Variants in ZCCHC7 observed in about 807,000 individuals in gnomAD.
The protein encoded by ZCCHC7 is zinc finger CCHC-type containing 7.
A neutral mutation model predicts 52.0 loss-of-function variants in ZCCHC7; 35 were observed. The observed-to-expected ratio is 0.67, with a 90% CI of 0.51 to 0.89. The LOEUF is 0.89. Ranked by LOEUF, ZCCHC7 falls within the 40% of genes least tolerant of loss-of-function variation. The pLI is 0.00. For synonymous variants in ZCCHC7, 217 were observed against 221.5 expected (o/e 0.98, Z 0.18); for missense variants, 574 against 649.1 (o/e 0.88, Z 1.26).
intron 6 of ZCCHC7, among the ~76,000 whole-genome samples, chr9:37,333,544 C>G (rs1328710894): frequency 6.6e-6 from 1 of 151,628 alleles, no homozygotes; most frequent in African/African-American, 2.4e-5. Context: ...GAAAGAAGTA[C>G]TTGTTGTGGT....
chr9:37,154,519 G>A (rs960560343), intron 2 of ZCCHC7, among the ~76,000 whole-genome samples: 13 of 152,048 alleles, frequency 8.5e-5, no homozygotes, highest in African/African-American at 1.9e-4. Context: ...GTGTCACTTC[G>A]TCACCTAGGT....
chr9:37,321,133 C>T (rs1324026438), intron 5 of ZCCHC7, among the ~76,000 whole-genome samples: 2 of 151,438 alleles, frequency 1.3e-5, no homozygotes, highest in East Asian at 1.9e-4. Flanking sequence ...GGACTACAGG[C>T]GCGTGCCACC....
chr9:37,205,757 C>T (rs572513457), intron 2 of ZCCHC7, among the ~76,000 whole-genome samples: 3 of 152,332 alleles, frequency 2.0e-5, no homozygotes, highest in African/African-American at 7.2e-5. Flanking sequence ...ACCTTGTGAT[C>T]CACCTGCCTT....
At chr9:37,237,904 A>G (rs1399862507) in intron 2 of ZCCHC7, among the ~76,000 whole-genome samples, 1 of 152,082 alleles carries the variant, frequency 6.6e-6, no homozygotes, top group Non-Finnish European at 1.5e-5. Flanking sequence ...TAATGATCGT[A>G]ATCCCTTCTA....
chr9:37,141,617 C>T (rs1843230011), intron 2 of ZCCHC7, among the ~76,000 whole-genome samples: 1 of 151,766 alleles, frequency 6.6e-6, no homozygotes, highest in African/African-American at 2.4e-5. Flanking sequence ...CAAGTTAATA[C>T]TAGAAATACT....
At chr9:37,120,754 C>T in intron 1 of ZCCHC7, 131 bp downstream of exon 1, 1 of 347,226 alleles carries the variant, frequency 2.9e-6, no homozygotes, top group South Asian at 1.5e-4. Flanking sequence ...CCGCCCCTCA[C>T]TCGTGGCAGG....
chr9:37,138,538 T>TA (rs1324490408), intron 2 of ZCCHC7, among the ~76,000 whole-genome samples: 1 of 152,030 alleles, frequency 6.6e-6, no homozygotes, highest in South Asian at 2.1e-4. Flanking sequence ...AATTTTACTT[T>TA]AAAAAAATAC....
chr9:37,187,223 C>T (rs982133191), intron 2 of ZCCHC7, among the ~76,000 whole-genome samples: 10 of 152,208 alleles, frequency 6.6e-5, no homozygotes, highest in African/African-American at 2.2e-4. Context: ...CAGTCCCAAA[C>T]CTTTTTGACA....
chr9:37,125,844 G>A (rs550560167), intron 1 of ZCCHC7, among the ~76,000 whole-genome samples: 4 of 152,114 alleles, frequency 2.6e-5, no homozygotes, highest in African/African-American at 4.8e-5. Context: ...ATTTGTATAC[G>A]TTTTTGCTAT....
chr9:37,134,786 T>C (rs924873503), intron 2 of ZCCHC7, among the ~76,000 whole-genome samples: 1 of 152,190 alleles, frequency 6.6e-6, no homozygotes, highest in Non-Finnish European at 1.5e-5. Context: ...AGTGCAACAG[T>C]GCAGTCTCAG....
At chr9:37,180,673 T>C (rs542086484) in intron 2 of ZCCHC7, among the ~76,000 whole-genome samples, 1 of 152,172 alleles carries the variant, frequency 6.6e-6, no homozygotes, top group Non-Finnish European at 1.5e-5. Context: ...TGTTACTGAA[T>C]TGATAAATTG....
chr9:37,185,266 C>G (rs1448062444), intron 2 of ZCCHC7, among the ~76,000 whole-genome samples: 3 of 152,100 alleles, frequency 2.0e-5, no homozygotes, highest in African/African-American at 7.2e-5. Flanking sequence ...CCTCCTATCC[C>G]TTAGGAGTTG....
At chr9:37,132,989 T>G (rs1842854847) in intron 2 of ZCCHC7, among the ~76,000 whole-genome samples, 1 of 152,050 alleles carries the variant, frequency 6.6e-6, no homozygotes, top group South Asian at 2.1e-4. Flanking sequence ...ATACAAAAAT[T>G]AGCCCAGTGT....
chr9:37,190,269 T>C (rs896055880), intron 2 of ZCCHC7, among the ~76,000 whole-genome samples: 13 of 151,544 alleles, frequency 8.6e-5, no homozygotes, highest in African/African-American at 2.9e-4. Flanking sequence ...GGGCTGGGTA[T>C]GGAGGATGTT....
chr9:37,303,253 C>T (rs570501404), intron 3 of ZCCHC7, among the ~76,000 whole-genome samples: 1 of 152,114 alleles, frequency 6.6e-6, no homozygotes, highest in Admixed American at 6.5e-5. Flanking sequence ...GGCGAAACTC[C>T]TTCTCTACTG....
At chr9:37,198,709 A>T (rs1823421813) in intron 2 of ZCCHC7, among the ~76,000 whole-genome samples, 1 of 152,176 alleles carries the variant, frequency 6.6e-6, no homozygotes, top group African/African-American at 2.4e-5. Flanking sequence ...GCTCCCTCAA[A>T]CTTGTGTATA....
In ZCCHC7 at chr9:37,255,497, C is replaced by A. The variant is rs562435862; in HGVS notation, c.611-46691C>A. On this transcript the variant is annotated intron_variant, in intron 2 of 8. Transcript: ENST00000336755. ...TCATCATGCTACTCAGAATGGCGTG[C>A]AGTTTAAAACTTAAGAATTGTTTAT... is the stretch of plus-strand genomic sequence containing the variant. 6.6e-5 allele frequency among the ~76,000 whole-genome samples: 10 copies of A among 152,176 alleles called. No individual in the cohort carries two copies. The East Asian group carries it at 1.5e-3, about 23-fold the overall frequency.
At position 37,233,188 on chromosome 9, in the gene ZCCHC7, A is replaced by C. The variant is rs73646337; in HGVS notation, c.611-69000A>C. Among the ~76,000 whole-genome samples the C allele has an allele frequency of 3.9e-3, 601 of 152,348 alleles. 3 individuals are homozygous for C. The highest frequency in any genetic ancestry group is 0.014 in the African/African-American group (562 of 41,582). ...AATATTTTAAGTCAAAAATTTATTT[A>C]ATAAGCCATACCCACCAGACATTAT... is the stretch of plus-strand genomic sequence containing the variant. On this transcript the variant is annotated intron_variant, in intron 2 of 8. Coordinates refer to ENST00000336755, the MANE Select transcript of ZCCHC7 (RefSeq NM_032226.3).
intron 2 of ZCCHC7, among the ~76,000 whole-genome samples, chr9:37,142,191 A>C (rs2132777462): frequency 6.6e-6 from 1 of 151,920 alleles, no homozygotes; most frequent in Admixed American, 6.6e-5. Flanking sequence ...AATCAGGAAA[A>C]ATGATGTTAT....
Sources: allele counts gnomAD v4.1 joint callset (sites outside exome capture counted in the v4.1 genomes callset), GRCh38; gene constraint gnomAD v4.1.1; transcripts MANE v1.5; gene names NCBI Gene and HGNC (gene_info 2026-07-23, HGNC 2026-07-21).